CAP2: variants seen among roughly 807,000 people sequenced by gnomAD.
CAP2 encodes the protein cyclase associated actin cytoskeleton regulatory protein 2, also known as adenylyl cyclase-associated protein 2.
CAP2 carries 24 observed loss-of-function variants against 57.7 expected under a neutral mutation model. The observed-to-expected ratio is 0.42, with a 90% CI of 0.30 to 0.58. The LOEUF (loss-of-function observed/expected upper bound fraction) is 0.58. Ranked by LOEUF, CAP2 falls within the 20% of genes least tolerant of loss-of-function variation. CAP2 has a pLI of 0.22. For missense variants in CAP2, 501 were observed against 590.3 expected, an observed-to-expected ratio of 0.85 and a Z score of 1.57; for synonymous variants, 194 against 207.2, an observed-to-expected ratio of 0.94 and a Z score of 0.55.
At chr6:17,455,357 T>C (rs142167713) in intron 3 of CAP2, among the ~76,000 whole-genome samples, 187 of 151,826 alleles carry the variant, frequency 1.2e-3, no homozygotes, top group African/African-American at 4.2e-3. Flanking sequence ...TCCCAAGGGC[T>C]GGCAGGTGTG....
chr6:17,426,611 C>T lies in CAP2; in HGVS notation c.143C>T (p.Ala48Val). Reference sequence around the variant, plus strand: ...CAAGGTGTGGCACCCTCCGTGGAAGCCTTTGACAAGCTGATGGACAGTATG... The same window carrying T: ...CAAGGTGTGGCACCCTCCGTGGAAGTCTTTGACAAGCTGATGGACAGTATG... ...VIAGVAPSVEAFDKLMDSMVA... is the reference protein window; with the variant it reads ...VIAGVAPSVEVFDKLMDSMVA... Residue 48 changes from alanine to valine, a missense_variant, in exon 3 of 13, where the codon GCC becomes GTC. Physicochemically the swap from Ala to Val is moderately conservative, Grantham distance 64. Transcript: ENST00000229922. The T allele has an allele frequency of 1.2e-6, 2 of 1,613,890 alleles. No individual in the cohort carries two copies. Among genetic ancestry groups the T allele is most frequent in the Admixed American group, 1.7e-5 (1 of 60,004 alleles).
chr6:17,513,752 G>A lies in CAP2; in HGVS notation c.531-97G>A. 1 of 774,002 alleles carries A rather than the reference G, an allele frequency of 1.3e-6. No homozygotes were observed. The highest frequency in any genetic ancestry group is 1.6e-5 in the South Asian group (1 of 63,528). 47.9% of individuals were successfully genotyped at this position (774,002 alleles called of 1,614,324 possible). ...AAGGACGATTGCTCCGGGCTCCAGG[G>A]CCCCTAGTCACTAGATAACCATGTG... is the stretch of plus-strand genomic sequence containing the variant. On this transcript the variant is annotated intron_variant, in intron 6 of 12. Transcript: ENST00000229922. The surrounding 1 kb of genome is among the most constrained non-coding windows in gnomAD (Gnocchi z 4.3).
At chr6:17,409,623 A>T (rs1368488443) in intron 1 of CAP2, among the ~76,000 whole-genome samples, 2 of 152,090 alleles carry the variant, frequency 1.3e-5, no homozygotes, top group African/African-American at 4.8e-5. Flanking sequence ...ATTATTGGGT[A>T]GATAATACTT....
chr6:17,524,149 C>A (rs1375506231), intron 7 of CAP2, among the ~76,000 whole-genome samples: 2 of 150,016 alleles, frequency 1.3e-5, no homozygotes, highest in Non-Finnish European at 3.0e-5. Flanking sequence ...GACCAGTTGT[C>A]TAATTTGATG....
rs1218194379 is a variant in CAP2 at position 17,393,700 on chromosome 6, C to T, written c.-48C>T. 2 of 152,358 alleles carry T rather than the reference C, an allele frequency of 1.3e-5. No homozygotes were observed. Among genetic ancestry groups the T allele is most frequent in the Admixed American group, 6.5e-5 (1 of 15,272 alleles). 9.4% of individuals were successfully genotyped at this position (152,358 alleles called of 1,614,324 possible). A position where few individuals can be genotyped will look rare whatever the true frequency, so the allele number is the denominator to read the frequency against. ...GCGGGAGGAGGGTACGAGTGGCCGA[C>T]CACGGATTTGCATTGCCGAGGACGG... On this transcript the variant is annotated 5_prime_UTR_variant, in exon 1 of 13. Coordinates refer to ENST00000229922, the MANE Select transcript of CAP2 (RefSeq NM_006366.3).
At chr6:17,454,192 G>C (rs1760492070) in intron 3 of CAP2, among the ~76,000 whole-genome samples, 1 of 152,036 alleles carries the variant, frequency 6.6e-6, no homozygotes, top group African/African-American at 2.4e-5. Context: ...TTACGGGCAT[G>C]AGCCACTGCG....
chr6:17,444,843 CAA>C (rs1491126697), intron 3 of CAP2, among the ~76,000 whole-genome samples: 2 of 139,632 alleles, frequency 1.4e-5, no homozygotes, highest in Admixed American at 1.4e-4. Flanking sequence ...CACACACACA[CAA>C]CACGAGTCCT....
At chr6:17,397,611 C>T (rs937759489) in intron 1 of CAP2, among the ~76,000 whole-genome samples, 9 of 144,040 alleles carry the variant, frequency 6.2e-5, no homozygotes, top group South Asian at 2.2e-4. Flanking sequence ...AGGAGAATGG[C>T]GTGAACCCGG....
chr6:17,462,243 C>T (rs990646701), intron 3 of CAP2, among the ~76,000 whole-genome samples: 10 of 151,958 alleles, frequency 6.6e-5, no homozygotes, highest in African/African-American at 2.4e-4. Flanking sequence ...AAGCCACTGG[C>T]TTTCAGTGAG....
chr6:17,411,499 TG>T (rs1561773833), intron 1 of CAP2, among the ~76,000 whole-genome samples: 2 of 152,196 alleles, frequency 1.3e-5, no homozygotes, highest in Admixed American at 1.3e-4. Flanking sequence ...GTGTGTGAAG[TG>T]GTATCTGATT....
intron 3 of CAP2, among the ~76,000 whole-genome samples, chr6:17,439,214 G>A (rs1207433223): frequency 6.7e-6 from 1 of 149,386 alleles, no homozygotes; most frequent in Non-Finnish European, 1.5e-5. Context: ...ATCCACATTT[G>A]AGTTTATCTT....
chr6:17,451,919 T>C (rs190044045), intron 3 of CAP2, among the ~76,000 whole-genome samples: 17 of 152,244 alleles, frequency 1.1e-4, no homozygotes, highest in African/African-American at 3.4e-4. Flanking sequence ...ATAGGAAAAA[T>C]AGACAATCCA....
At chr6:17,430,666 G>A (rs932791943) in intron 3 of CAP2, among the ~76,000 whole-genome samples, 4 of 151,756 alleles carry the variant, frequency 2.6e-5, no homozygotes, top group African/African-American at 9.7e-5. Flanking sequence ...AGCCTCCCAA[G>A]TACCTGGGAT....
At position 17,440,614 on chromosome 6, in the gene CAP2, GGT is replaced by G. The variant is rs55662495; in HGVS notation, c.222+13954_222+13955del. ...TTTGGGCTGAAAACAAACTGTGTGT[GGT>G]GTGTGTGTGTGTGTGTGTGTGTGTG... On this transcript the variant is annotated intron_variant, in intron 3 of 12. Coordinates refer to ENST00000229922, the MANE Select transcript of CAP2 (RefSeq NM_006366.3). Among the ~76,000 whole-genome samples the G allele has an allele frequency of 4.9e-4, 69 of 141,650 alleles. 2 individuals carry two copies. Among genetic ancestry groups the G allele is most frequent in the East Asian group, 2.8e-3 (13 of 4,698 alleles). 92.9% of individuals were successfully genotyped at this position (141,650 alleles called of 152,430 possible).
At chr6:17,476,188 A>G (rs781766263) in intron 4 of CAP2, among the ~76,000 whole-genome samples, 4 of 152,232 alleles carry the variant, frequency 2.6e-5, no homozygotes, top group Non-Finnish European at 5.9e-5. Flanking sequence ...AAAATGGGAA[A>G]ATGTGGCTCC....
At chr6:17,510,658 G>A (rs907945543) in intron 6 of CAP2, among the ~76,000 whole-genome samples, 10 of 152,204 alleles carry the variant, frequency 6.6e-5, no homozygotes, top group African/African-American at 2.4e-4. Flanking sequence ...AAGATGGTCT[G>A]TTCTTCTGAC....
chr6:17,552,477 C>T (rs778216004), intron 12 of CAP2, among the ~76,000 whole-genome samples: 1 of 152,146 alleles, frequency 6.6e-6, no homozygotes, highest in Admixed American at 6.5e-5. Context: ...GGCAAAAGCC[C>T]GTCTCTACTA....
At chr6:17,414,545 G>C (rs1297415142) in intron 1 of CAP2, among the ~76,000 whole-genome samples, 1 of 152,082 alleles carries the variant, frequency 6.6e-6, no homozygotes, top group Admixed American at 6.5e-5. Context: ...GAGGATGATG[G>C]CTTCTAGTTT....
At chr6:17,430,249 A>G (rs1217498593) in intron 3 of CAP2, among the ~76,000 whole-genome samples, 1 of 152,236 alleles carries the variant, frequency 6.6e-6, no homozygotes, top group Non-Finnish European at 1.5e-5. Context: ...ACCTAAGAGC[A>G]TAACAGGTTT....
Sources: gnomAD v4.1 joint callset for allele counts (sites outside exome capture counted in the v4.1 genomes callset) on GRCh38, gnomAD v4.1.1 for gene constraint, Gnocchi (gnomAD v3.1) non-coding constraint, MANE v1.5 for transcripts, NCBI Gene and HGNC (gene_info 2026-07-23, HGNC 2026-07-21) for gene names.